PRDM16: variants seen among roughly 807,000 people sequenced by gnomAD.
PRDM16 encodes histone-lysine N-methyltransferase PRDM16.
Under a neutral mutation model 110.6 loss-of-function variants are expected in PRDM16, and 23 were observed. The observed-to-expected ratio is 0.21, with a 90% CI of 0.15 to 0.29. The LOEUF (loss-of-function observed/expected upper bound fraction) is 0.29. PRDM16 is among the 10% of genes least tolerant of loss of function. PRDM16 has a pLI of 1.00. For synonymous variants in PRDM16, 799 were observed against 781.8 expected (o/e 1.02, Z -0.37); for missense variants, 1,615 against 1,794.3 (o/e 0.90, Z 1.81).
intron 3 of PRDM16, among the ~76,000 whole-genome samples, chr1:3,341,670 A>G (rs74048274): frequency 7.9e-5 from 12 of 152,322 alleles, no homozygotes; most frequent in African/African-American, 2.9e-4. Flanking sequence ...AATAGAAAAC[A>G]TACGTCGGGT....
chr1:3,404,545 A>G (rs995132390), intron 6 of PRDM16, among the ~76,000 whole-genome samples, 194 bp from the exon 7 acceptor site: 4 of 152,210 alleles, frequency 2.6e-5, no homozygotes, highest in African/African-American at 9.6e-5. Flanking sequence ...TGCTAGGGGA[A>G]GGCCGCCTCT....
chr1:3,298,797 G>A (rs554636885), intron 3 of PRDM16, among the ~76,000 whole-genome samples: 34 of 152,310 alleles, frequency 2.2e-4, no homozygotes, highest in Middle Eastern at 3.4e-3. Flanking sequence ...CCAAGGGGCC[G>A]TAGACCAAGG....
intron 1 of PRDM16, among the ~76,000 whole-genome samples, chr1:3,096,324 G>A (rs926039523): frequency 5.6e-4 from 86 of 152,218 alleles, no homozygotes; most frequent in African/African-American, 1.8e-3. Context: ...AGAACCCCGC[G>A]GGCCCCTTCC....
At chr1:3,094,013 G>C (rs1275545423) in intron 1 of PRDM16, among the ~76,000 whole-genome samples, 1 of 152,252 alleles carries the variant, frequency 6.6e-6, no homozygotes, top group Non-Finnish European at 1.5e-5. Context: ...CTGTGTTTCA[G>C]GAAGTGCCGA....
chr1:3,268,475 G>A (rs936880465), intron 3 of PRDM16, among the ~76,000 whole-genome samples: 1 of 152,208 alleles, frequency 6.6e-6, no homozygotes, highest in Non-Finnish European at 1.5e-5. Flanking sequence ...GGTGCAGGGC[G>A]GCCGGGGAGG....
At chr1:3,426,772 C>T (rs1638620371) in intron 14 of PRDM16, among the ~76,000 whole-genome samples, 1 of 152,216 alleles carries the variant, frequency 6.6e-6, no homozygotes, top group African/African-American at 2.4e-5. Flanking sequence ...ACTTGTTCCT[C>T]ACCTGGCCTT....
At chr1:3,180,961 T>C (rs983040191) in intron 1 of PRDM16, among the ~76,000 whole-genome samples, 30 of 137,210 alleles carry the variant, frequency 2.2e-4, no homozygotes, top group Admixed American at 8.1e-4. Flanking sequence ...CACGCAGTCT[T>C]ACACACTCGG....
At position 3,350,637 on chromosome 1, in the gene PRDM16, A is replaced by G. The variant is rs1642463868; in HGVS notation, c.439-34515A>G. Among the ~76,000 whole-genome samples the G allele has an allele frequency of 6.6e-6, 1 of 152,102 alleles. No homozygotes were observed. The highest frequency in any genetic ancestry group is 1.5e-5 in the Non-Finnish European group (1 of 67,998). On this transcript the variant is annotated intron_variant, in intron 3 of 16. Coordinates refer to ENST00000270722, the MANE Select transcript of PRDM16 (RefSeq NM_022114.4). The surrounding 1 kb of genome is among the most constrained non-coding windows in gnomAD (Gnocchi z 7.1). ...AGCCCTGCCCGGCCAGGGCTCGGGC[A>G]CAGCTTGGCTCCATGCAGGGCCCTG... is the stretch of plus-strand genomic sequence containing the variant.
intron 3 of PRDM16, among the ~76,000 whole-genome samples, chr1:3,284,309 G>C (rs1640799937): frequency 6.6e-6 from 1 of 152,246 alleles, no homozygotes; most frequent in South Asian, 2.1e-4. Context: ...GGCTTTTTAT[G>C]TAAACTGAGT....
At chr1:3,355,055 G>T (rs1041753006) in intron 3 of PRDM16, among the ~76,000 whole-genome samples, 2 of 152,164 alleles carry the variant, frequency 1.3e-5, no homozygotes, top group Non-Finnish European at 2.9e-5. Context: ...ACAAAGCCAG[G>T]ACTGCTGCCC....
chr1:3,126,401 G>A (rs1643209204), intron 1 of PRDM16, among the ~76,000 whole-genome samples: 1 of 152,230 alleles, frequency 6.6e-6, no homozygotes, highest in South Asian at 2.1e-4. Flanking sequence ...GGCAAGGCCG[G>A]AGGAGCTGGC....
intron 8 of PRDM16, among the ~76,000 whole-genome samples, chr1:3,406,340 GGAGA>G (rs1643561526): frequency 6.6e-6 from 1 of 152,154 alleles, no homozygotes; most frequent in South Asian, 2.1e-4. Flanking sequence ...AAAGACACAA[GGAGA>G]GTGAGCCCTG....
rs937259762 is a variant in PRDM16, at chr1:3,231,684, G to C, written c.388-12403G>C. 2.6e-5 allele frequency among the ~76,000 whole-genome samples: 4 copies of C among 152,256 alleles called. No homozygotes were observed. In the South Asian group the frequency reaches 8.3e-4, roughly 31 times the overall value. On this transcript the variant is annotated intron_variant, in intron 2 of 16. Coordinates refer to ENST00000270722, the MANE Select transcript of PRDM16 (RefSeq NM_022114.4). The stretch of plus-strand genomic sequence containing the variant: ...CCCCTGAAGGCATCCTCCAGGGCAG[G>C]TGGCCTTGGCCGTACGTCTGCCCAC...
At position 3,209,662 on chromosome 1, in the gene PRDM16, C is replaced by T. The variant is rs1272561328; in HGVS notation, c.387+23188C>T. Among the ~76,000 whole-genome samples, 2 of 152,222 alleles carry T rather than the reference C, an allele frequency of 1.3e-5. No homozygotes were observed. The highest frequency in any genetic ancestry group is 2.4e-5 in the African/African-American group (1 of 41,454). ...GACCAATTGGCCACAAATGCCACCT[C>T]CTGCTTCTGGAGAGGTTTAGTTGTC... On this transcript the variant is annotated intron_variant, in intron 2 of 16. Coordinates refer to ENST00000270722, the MANE Select transcript of PRDM16 (RefSeq NM_022114.4). The surrounding 1 kb of genome is among the most constrained non-coding windows in gnomAD (Gnocchi z 4.6).
intron 1 of PRDM16, among the ~76,000 whole-genome samples, chr1:3,138,576 T>C (rs1643485384): frequency 6.6e-6 from 1 of 152,172 alleles, no homozygotes; most frequent in African/African-American, 2.4e-5. Flanking sequence ...TTGGAGGTGT[T>C]TGGGAGAGGT....
At chr1:3,172,716 C>G (rs1644039853) in intron 1 of PRDM16, among the ~76,000 whole-genome samples, 1 of 152,216 alleles carries the variant, frequency 6.6e-6, no homozygotes, top group Non-Finnish European at 1.5e-5. Context: ...GTGTAGGATC[C>G]CACTTACGGG....
intron 2 of PRDM16, among the ~76,000 whole-genome samples, chr1:3,223,103 C>CTGTT (rs1639211615): frequency 1.4e-5 from 1 of 73,994 alleles, no homozygotes; most frequent in African/African-American, 7.1e-5. Context: ...AAAATCAAGG[C>CTGTT]TTTTTTTTTT....
chr1:3,079,868 T>C (rs1641981714), intron 1 of PRDM16, among the ~76,000 whole-genome samples: 1 of 152,228 alleles, frequency 6.6e-6, no homozygotes, highest in Non-Finnish European at 1.5e-5. Context: ...TCTGTTTTTG[T>C]TGATCAGCAA....
chr1:3,270,443 A>T (rs1430212426), intron 3 of PRDM16, among the ~76,000 whole-genome samples: 1 of 149,462 alleles, frequency 6.7e-6, no homozygotes, highest in Non-Finnish European at 1.5e-5. Context: ...AGAGGAGCAC[A>T]GTCCAGAAGG....
Sources: gnomAD v4.1 joint callset for allele counts (sites outside exome capture counted in the v4.1 genomes callset) on GRCh38, gnomAD v4.1.1 for gene constraint, Gnocchi (gnomAD v3.1) non-coding constraint, MANE v1.5 for transcripts, NCBI Gene and HGNC (gene_info 2026-07-23, HGNC 2026-07-21) for gene names.